The following WDPCP variants were observed in gnomAD, a reference collection of about 807,000 sequenced individuals.
WDPCP encodes the protein WD repeat-containing and planar cell polarity effector protein fritz homolog.
WDPCP carries 71 observed loss-of-function variants against 93.1 expected under a neutral mutation model. That is an observed-to-expected ratio of 0.76 (90% CI 0.63 to 0.93). The LOEUF (loss-of-function observed/expected upper bound fraction) is 0.93. WDPCP is among the 40% of genes least tolerant of loss of function. WDPCP has a pLI of 0.00. For synonymous variants in WDPCP, 315 were observed against 315.0 expected, an observed-to-expected ratio of 1.00 and a Z score of 0.00; for missense variants, 844 against 887.4, an observed-to-expected ratio of 0.95 and a Z score of 0.62.
At chr2:63,212,744 A>G (rs1676936694) in intron 14 of WDPCP, among the ~76,000 whole-genome samples, 1 of 151,954 alleles carries the variant, frequency 6.6e-6, no homozygotes, top group Non-Finnish European at 1.5e-5. Context: ...AGAGACACAC[A>G]TAGCCTGAAA....
At chr2:63,749,659 T>C (rs546386254) in intron 2 of WDPCP, among the ~76,000 whole-genome samples, 1 of 152,114 alleles carries the variant, frequency 6.6e-6, no homozygotes, top group African/African-American at 2.4e-5. Flanking sequence ...TGATGTTTAG[T>C]AGGTTAGGTG....
intron 12 of WDPCP, among the ~76,000 whole-genome samples, chr2:63,321,886 T>A (rs1177454117): frequency 6.6e-6 from 1 of 152,236 alleles, no homozygotes; most frequent in African/African-American, 2.4e-5. Context: ...TCTTTATTTC[T>A]ATTGTCTTCT....
At chr2:63,575,432 A>ATAAACAGTG (rs1648549664) in intron 1 of WDPCP, among the ~76,000 whole-genome samples, 1 of 98,588 alleles carries the variant, frequency 1.0e-5, no homozygotes, top group Non-Finnish European at 2.1e-5. Context: ...TATACAGTGT[A>ATAAACAGTG]TATACAGTGT....
intron 2 of WDPCP, among the ~76,000 whole-genome samples, chr2:63,795,888 C>A (rs938977614): frequency 2.6e-5 from 4 of 152,180 alleles, no homozygotes; most frequent in African/African-American, 9.7e-5. Flanking sequence ...AAGAATCTTA[C>A]TTTTGTTCAG....
At chr2:63,538,022 C>T (rs980917398) in intron 1 of WDPCP, among the ~76,000 whole-genome samples, 3 of 152,184 alleles carry the variant, frequency 2.0e-5, no homozygotes, top group East Asian at 3.9e-4. Context: ...AATTTGCAAT[C>T]ATCTTATAAT....
intron 3 of WDPCP, chr2:63,622,198 G>A (rs1575732056): frequency 6.3e-7 from 1 of 1,599,488 alleles, no homozygotes; most frequent in East Asian, 2.3e-5. Flanking sequence ...TGCTGCTGCT[G>A]CTGCTTCTTG....
At chr2:63,404,941 G>C (rs375620826) in intron 9 of WDPCP, among the ~76,000 whole-genome samples, 1 of 152,206 alleles carries the variant, frequency 6.6e-6, no homozygotes, top group South Asian at 2.1e-4. Flanking sequence ...TTAACAATTT[G>C]TTTTGGAAGG....
chr2:63,469,409 G>A (rs1415174334), intron 6 of WDPCP, among the ~76,000 whole-genome samples: 1 of 152,208 alleles, frequency 6.6e-6, no homozygotes, highest in Non-Finnish European at 1.5e-5. Flanking sequence ...TATATTCATT[G>A]CAGCACTATT....
At chr2:63,652,858 A>G (rs1379366558) in intron 2 of WDPCP, among the ~76,000 whole-genome samples, 1 of 152,172 alleles carries the variant, frequency 6.6e-6, no homozygotes, top group Non-Finnish European at 1.5e-5. Context: ...AATCCCAGAT[A>G]AGGGAGTTTA....
intron 6 of WDPCP, among the ~76,000 whole-genome samples, chr2:63,458,210 G>A (rs1283729568): frequency 1.4e-5 from 2 of 139,994 alleles, no homozygotes; most frequent in African/African-American, 2.7e-5. Flanking sequence ...AGAAGTCCTA[G>A]ACAGAGCAGT....
At chr2:63,700,950 T>C (rs934704483) in intron 2 of WDPCP, among the ~76,000 whole-genome samples, 9 of 152,196 alleles carry the variant, frequency 5.9e-5, no homozygotes, top group Non-Finnish European at 4.4e-5. Flanking sequence ...CTCCAGGACA[T>C]TGGTCTTGGC....
chr2:63,694,266 G>A (rs1468231861), intron 2 of WDPCP, among the ~76,000 whole-genome samples: 1 of 152,114 alleles, frequency 6.6e-6, no homozygotes, highest in East Asian at 1.9e-4. Context: ...CTTTTTAGTT[G>A]ACAATATTGC....
At chr2:63,809,988 T>A (rs2104082645) in intron 2 of WDPCP, among the ~76,000 whole-genome samples, 1 of 152,268 alleles carries the variant, frequency 6.6e-6, no homozygotes, top group East Asian at 1.9e-4. Flanking sequence ...TTAAATGAAA[T>A]TTTTCATTGT....
intron 6 of WDPCP, among the ~76,000 whole-genome samples, chr2:63,445,095 C>T (rs560059634): frequency 6.6e-6 from 1 of 151,886 alleles, no homozygotes; most frequent in South Asian, 2.1e-4. Context: ...TATCAGATGA[C>T]ATCATTAATT....
intron 12 of WDPCP, among the ~76,000 whole-genome samples, chr2:63,376,602 A>C (rs996183605): frequency 3.9e-5 from 6 of 151,904 alleles, no homozygotes; most frequent in African/African-American, 1.4e-4. Flanking sequence ...CTCTTTAGGC[A>C]GGAGGAGAAT....
intron 2 of WDPCP, among the ~76,000 whole-genome samples, chr2:63,730,375 C>T (rs1669544247): frequency 6.6e-6 from 1 of 152,168 alleles, no homozygotes; most frequent in Non-Finnish European, 1.5e-5. Flanking sequence ...CTACCCCTCG[C>T]TATCAAAATA....
At chr2:63,652,284 C>A (rs1050702792) in intron 2 of WDPCP, among the ~76,000 whole-genome samples, 1 of 152,204 alleles carries the variant, frequency 6.6e-6, no homozygotes, top group African/African-American at 2.4e-5. Flanking sequence ...TGGCTTCCAG[C>A]AACTTGGTTG....
intron 3 of WDPCP, among the ~76,000 whole-genome samples, chr2:63,595,772 T>A (rs1035656581): frequency 6.6e-6 from 1 of 152,210 alleles, no homozygotes; most frequent in Non-Finnish European, 1.5e-5. Flanking sequence ...ATTATACCAG[T>A]TAAGTGTAAT....
intron 2 of WDPCP, among the ~76,000 whole-genome samples, chr2:63,754,090 C>T (rs1669921647): frequency 6.6e-6 from 1 of 152,228 alleles, no homozygotes; most frequent in Admixed American, 6.5e-5. Flanking sequence ...GAAATACAAA[C>T]AGCACAGCAG....
Sources: allele counts gnomAD v4.1 joint callset (sites outside exome capture counted in the v4.1 genomes callset), GRCh38; gene constraint gnomAD v4.1.1; transcripts MANE v1.5; gene names NCBI Gene and HGNC (gene_info 2026-07-23, HGNC 2026-07-21).